SNX8: variants seen among roughly 807,000 people sequenced by gnomAD.
SNX8 encodes the protein sorting nexin 8, also known as sorting nexin-8.
Under a neutral mutation model 51.6 loss-of-function variants are expected in SNX8, and 25 were observed. The ratio of observed to expected loss-of-function variants is 0.48; its 90% CI spans 0.35 to 0.68. The LOEUF (loss-of-function observed/expected upper bound fraction) is 0.68, where lower values mean the gene tolerates loss of function less well. Among genes scored for constraint, SNX8 ranks in the 30% least tolerant of loss-of-function variants. The pLI is 0.00. For missense variants in SNX8, 695 were observed against 624.0 expected, an observed-to-expected ratio of 1.11 and a Z score of -1.21; for synonymous variants, 324 against 277.0, an observed-to-expected ratio of 1.17 and a Z score of -1.68.
At chr7:2,262,076 C>T (rs779142938) in intron 7 of SNX8, among the ~76,000 whole-genome samples, 1 of 152,218 alleles carries the variant, frequency 6.6e-6, no homozygotes, top group Admixed American at 6.5e-5. Context: ...CTCGCTCTGT[C>T]GCCCAGGCTG....
At chr7:2,275,304 C>T (rs1292437793) in intron 2 of SNX8, 75 bp from the exon 3 acceptor site, 2 of 984,860 alleles carry the variant, frequency 2.0e-6, no homozygotes, top group African/African-American at 1.6e-5. Flanking sequence ...CAACAGAGCC[C>T]GGGAAAACGA....
chr7:2,354,202 G>A (rs1185648471), intron 1 of SNX8: 1 of 152,276 alleles, frequency 6.6e-6, no homozygotes, highest in Non-Finnish European at 1.5e-5. Context: ...GGGGGTAAGC[G>A]ATTAAAGAAA....
chr7:2,317,078 A>G (rs1584736078), upstream of SNX8, among the ~76,000 whole-genome samples: 1 of 151,904 alleles, frequency 6.6e-6, no homozygotes, highest in East Asian at 1.9e-4. Context: ...GATGGGTGGT[A>G]CCAGAGTTAG....
upstream of SNX8, among the ~76,000 whole-genome samples, chr7:2,315,869 T>C (rs866922028): frequency 2.4e-4 from 33 of 136,690 alleles, 1 homozygote; most frequent in South Asian, 2.8e-3. Context: ...GCATCCTGCA[T>C]TCATTCACTC....
Position 2,254,586 on chromosome 7 carries a change from G to C in SNX8, c.*470C>G, listed in dbSNP as rs1439457392. 1 of 177,774 alleles carries C rather than the reference G, an allele frequency of 5.6e-6. No homozygotes were observed. The highest frequency in any genetic ancestry group is 2.4e-5 in the African/African-American group (1 of 41,792). The allele number at this position is 177,774 out of a possible 1,614,324, so 11.0% of individuals were successfully genotyped here. A position where few individuals can be genotyped will look rare whatever the true frequency, so the allele number is the denominator to read the frequency against. On this transcript the variant is annotated 3_prime_UTR_variant, in exon 11 of 11. Transcript: ENST00000222990. ...CCACGCCCAATGGCCCTCCCTCCCA[G>C]CCTCAGCACCACTGGCTGTCCCCTC...
intron 1 of SNX8, among the ~76,000 whole-genome samples, chr7:2,304,179 A>AG (rs932964476): frequency 2.7e-5 from 4 of 149,572 alleles, no homozygotes; most frequent in African/African-American, 9.8e-5. Flanking sequence ...AAAAAAAAAA[A>AG]AAAGAGAGTT....
At chr7:2,257,322 G>C in intron 9 of SNX8, 43 bp downstream of exon 9, 1 of 1,583,362 alleles carries the variant, frequency 6.3e-7, no homozygotes, top group Non-Finnish European at 8.5e-7. Context: ...TGGCCGGGAG[G>C]GGAAAGGCTC....
At chr7:2,311,754 G>A (rs1483868000) in intron 1 of SNX8, among the ~76,000 whole-genome samples, 1 of 152,062 alleles carries the variant, frequency 6.6e-6, no homozygotes, top group Non-Finnish European at 1.5e-5. Flanking sequence ...TGGCTAACAT[G>A]GTGAAACCCC....
Position 2,278,268 on chromosome 7 carries a change from G to C in SNX8, c.132C>G (p.Ile44Met), listed in dbSNP as rs78286162. The part of the protein sequence containing the change: ...PTPQAIEPQA[I>M]VQQVPAPSRM... ...GACTGGGGGCTGGGACCTGCTGCAC[G>C]ATGGCCTGGGGCTCGATGGCCTGGG... Residue 44 changes from isoleucine (I) to methionine (M), a missense_variant, in exon 2 of 11, where the codon ATC (isoleucine) becomes ATG (methionine). Physicochemically the swap from Ile to Met is conservative, Grantham distance 10. Coordinates refer to ENST00000222990, the MANE Select transcript of SNX8 (RefSeq NM_013321.4). The C allele has an allele frequency of 3.1e-6, 5 of 1,595,280 alleles. No homozygotes were observed. The highest frequency in any genetic ancestry group is 4.3e-6 in the Non-Finnish European group (5 of 1,170,004).
At chr7:2,306,390 G>A (rs528758723) in intron 1 of SNX8, among the ~76,000 whole-genome samples, 1 of 151,942 alleles carries the variant, frequency 6.6e-6, no homozygotes, top group East Asian at 1.9e-4. Flanking sequence ...GATTACAGGC[G>A]TGAGCCACCG....
chr7:2,328,249 C>T (rs1429267513), intron 1 of SNX8, among the ~76,000 whole-genome samples: 1 of 151,986 alleles, frequency 6.6e-6, no homozygotes, highest in East Asian at 1.9e-4. Flanking sequence ...ACAGGGGTTT[C>T]TCCACGCTGG....
chr7:2,264,283 T>G lies in SNX8; in HGVS notation c.782+15A>C, dbSNP rs199806779. 7 of 1,601,976 alleles carry G rather than the reference T, an allele frequency of 4.4e-6. No homozygotes were observed. The African/African-American group carries it at 9.4e-5, about 21-fold the overall frequency. On this transcript the variant is annotated intron_variant, in intron 6 of 10. Coordinates refer to ENST00000222990, the MANE Select transcript of SNX8 (RefSeq NM_013321.4). ...CCACCGCGCGTGCCCCTGCAGAAGC[T>G]GAAAGGTCACCTACCTTAGCTCCTT... is the stretch of plus-strand genomic sequence containing the variant.
intron 5 of SNX8, among the ~76,000 whole-genome samples, chr7:2,268,331 G>T (rs1795536868): frequency 6.9e-6 from 1 of 143,956 alleles, no homozygotes; most frequent in South Asian, 2.3e-4. Flanking sequence ...GAAGTGAGGA[G>T]CCCCTCCGCC....
intron 1 of SNX8, among the ~76,000 whole-genome samples, chr7:2,323,680 C>T (rs1170477124): frequency 6.6e-6 from 1 of 152,206 alleles, no homozygotes; most frequent in African/African-American, 2.4e-5. Context: ...GATGTGGTCT[C>T]GCTCAACCTC....
intron 1 of SNX8, among the ~76,000 whole-genome samples, chr7:2,324,573 G>A (rs1179435844): frequency 1.3e-5 from 2 of 151,886 alleles, no homozygotes; most frequent in East Asian, 3.9e-4. Flanking sequence ...TTACAAGAGT[G>A]AGCCACTGTG....
intron 1 of SNX8, among the ~76,000 whole-genome samples, chr7:2,283,183 C>T (rs1274700402): frequency 6.6e-6 from 1 of 152,184 alleles, no homozygotes. Context: ...AGACGCTCCC[C>T]CTTCATTGAA....
intron 1 of SNX8, among the ~76,000 whole-genome samples, chr7:2,339,728 G>T (rs910934324): frequency 2.6e-5 from 4 of 151,946 alleles, no homozygotes; most frequent in African/African-American, 9.7e-5. Context: ...AAGATAAGGA[G>T]AATTTTCACT....
intron 5 of SNX8, among the ~76,000 whole-genome samples, chr7:2,268,561 C>A (rs1473788921): frequency 6.8e-6 from 1 of 146,310 alleles, no homozygotes; most frequent in Admixed American, 6.7e-5. Flanking sequence ...GGGGGTCAGC[C>A]CCCCGCCTGG....
chr7:2,333,792 C>G (rs559070034), intron 1 of SNX8, among the ~76,000 whole-genome samples: 1 of 152,196 alleles, frequency 6.6e-6, no homozygotes, highest in Non-Finnish European at 1.5e-5. Flanking sequence ...AACCTCAATT[C>G]TTCCCGGATA....
Sources: gnomAD v4.1 joint callset for allele counts (sites outside exome capture counted in the v4.1 genomes callset) on GRCh38, gnomAD v4.1.1 for gene constraint, MANE v1.5 for transcripts, NCBI Gene and HGNC (gene_info 2026-07-23, HGNC 2026-07-21) for gene names.